WIPF3: variants seen among roughly 807,000 people sequenced by gnomAD.
WIPF3 encodes WAS/WASL-interacting protein family member 3.
WIPF3 carries 33 observed loss-of-function variants against 38.9 expected under a neutral mutation model. That is an observed-to-expected ratio of 0.85 (90% confidence interval 0.64 to 1.14). The LOEUF is 1.14. Ranked by LOEUF, WIPF3 falls within the 50% of genes most tolerant of loss-of-function variation. The pLI, the probability that WIPF3 is intolerant of heterozygous loss-of-function variation, is 0.00. For synonymous variants in WIPF3, 324 were observed against 269.3 expected, an observed-to-expected ratio of 1.20 and a Z score of -1.99; for missense variants, 711 against 652.5, an observed-to-expected ratio of 1.09 and a Z score of -0.98.
At position 29,914,582 on chromosome 7, in the gene WIPF3, C is replaced by T. The variant is rs1184237100; in HGVS notation, c.*66C>T. 8.1e-5 allele frequency: 101 copies of T among 1,246,268 alleles called. No individual in the cohort carries two copies. The highest frequency in any genetic ancestry group is 1.1e-4 in the Non-Finnish European group (99 of 931,380). 77.2% of individuals were successfully genotyped at this position (1,246,268 alleles called of 1,614,324 possible). ...GAACAACATGTCAGACCCCACCCAC[C>T]CCATGCTCAAGCTGTAATTCAGTTG... is the stretch of plus-strand genomic sequence containing the variant. On this transcript the variant is annotated 3_prime_UTR_variant, in exon 9 of 9. Transcript: ENST00000242140.
At chr7:29,864,963 T>C (rs1230878814) in intron 2 of WIPF3, among the ~76,000 whole-genome samples, 1 of 152,068 alleles carries the variant, frequency 6.6e-6, no homozygotes, top group Non-Finnish European at 1.5e-5. Flanking sequence ...AAAGGTGGAG[T>C]CTGCTGAAAA....
chr7:29,846,773 C>T (rs1411091635), intron 2 of WIPF3, among the ~76,000 whole-genome samples: 1 of 152,212 alleles, frequency 6.6e-6, no homozygotes, highest in Non-Finnish European at 1.5e-5. Flanking sequence ...CACAGTTGTC[C>T]AATCAGCACT....
chr7:29,871,681 C>A (rs530085940), intron 2 of WIPF3, among the ~76,000 whole-genome samples: 1 of 152,198 alleles, frequency 6.6e-6, no homozygotes, highest in South Asian at 2.1e-4. Flanking sequence ...TGCTGTAAGG[C>A]AGTTGACTCA....
At chr7:29,857,505 A>G (rs1042184007) in intron 2 of WIPF3, among the ~76,000 whole-genome samples, 2 of 151,698 alleles carry the variant, frequency 1.3e-5, no homozygotes, top group Non-Finnish European at 2.9e-5. Context: ...AAGATGTCTG[A>G]TTTATTTTTT....
chr7:29,839,944 TG>T (rs1784887947), intron 2 of WIPF3, among the ~76,000 whole-genome samples: 1 of 152,238 alleles, frequency 6.6e-6, no homozygotes, highest in Non-Finnish European at 1.5e-5. Flanking sequence ...ATTATTACTA[TG>T]TTCTGAGTTC....
chr7:29,878,667 C>T lies in WIPF3; in HGVS notation c.224-342C>T, dbSNP rs1247568100. Among the ~76,000 whole-genome samples the T allele has an allele frequency of 6.6e-6, 1 of 152,228 alleles. No individual in the cohort carries two copies. The highest frequency in any genetic ancestry group is 1.5e-5 in the Non-Finnish European group (1 of 68,040). On this transcript the variant is annotated intron_variant, in intron 3 of 8. Coordinates refer to ENST00000242140, the MANE Select transcript of WIPF3 (RefSeq NM_001080529.3). The surrounding 1 kb of genome is among the most constrained non-coding windows in gnomAD (Gnocchi z 4.0). ...GAAAATAAGAGCAGCTCTACACCTA[C>T]CACATTTGGGTTTTCTAATTCGAAG... is the stretch of plus-strand genomic sequence containing the variant.
At chr7:29,812,398 A>C (rs1784393972) in intron 1 of WIPF3, among the ~76,000 whole-genome samples, 1 of 152,184 alleles carries the variant, frequency 6.6e-6, no homozygotes, top group Admixed American at 6.5e-5. Flanking sequence ...GTATCCATCC[A>C]TCTTCCTGCT....
intron 8 of WIPF3, among the ~76,000 whole-genome samples, chr7:29,910,298 A>G (rs187141821): frequency 6.6e-6 from 1 of 152,318 alleles, no homozygotes; most frequent in Admixed American, 6.5e-5. Flanking sequence ...AATATCTCCC[A>G]AAAAAGAAGA....
intron 8 of WIPF3, among the ~76,000 whole-genome samples, chr7:29,908,361 T>C (rs1012832697): frequency 6.6e-6 from 1 of 152,076 alleles, no homozygotes; most frequent in Admixed American, 6.5e-5. Flanking sequence ...GAAGCAAAAC[T>C]GACAGAATTA....
rs145976937 is a variant in WIPF3 at position 29,884,476 on chromosome 7, C to G, written c.982C>G (p.Pro328Ala). The G allele has an allele frequency of 9.2e-4, 1,434 of 1,566,400 alleles. 3 individuals carry two copies. Among genetic ancestry groups the G allele is most frequent in the Non-Finnish European group, 8.2e-4 (943 of 1,156,728 alleles). ...CAGTGAAACTCCACCCCCGCTACCC[C>G]CTAAATCCCCCAGCTTCCAGGCCCC... ...SSSETPPPLP[P>A]KSPSFQAPPQ... Residue 328 changes from proline to alanine, a missense_variant, in exon 5 of 9, where the codon CCT (proline) becomes GCT (alanine). Transcript: ENST00000242140.
chr7:29,883,484 C>T (rs1420194020), intron 4 of WIPF3, among the ~76,000 whole-genome samples: 6 of 152,120 alleles, frequency 3.9e-5, no homozygotes, highest in African/African-American at 1.4e-4. Context: ...ATGGACCTAG[C>T]GGGTGTCAGT....
At chr7:29,820,962 T>G (rs912590234) in intron 1 of WIPF3, among the ~76,000 whole-genome samples, 2 of 152,222 alleles carry the variant, frequency 1.3e-5, no homozygotes, top group Non-Finnish European at 2.9e-5. Context: ...TTCCATTCCT[T>G]TCCGATAGCG....
At chr7:29,814,066 G>A (rs1277068570) in intron 1 of WIPF3, among the ~76,000 whole-genome samples, 4 of 151,950 alleles carry the variant, frequency 2.6e-5, no homozygotes, top group East Asian at 1.9e-4. Context: ...GACTACAGGC[G>A]CGTGCCATGA....
At chr7:29,882,722 A>T (rs1785748014) in intron 4 of WIPF3, among the ~76,000 whole-genome samples, 1 of 152,238 alleles carries the variant, frequency 6.6e-6, no homozygotes, top group East Asian at 1.9e-4. Flanking sequence ...CTGAAATGAA[A>T]GCTGCAGGTC....
At chr7:29,894,986 C>T (rs1302585323) in intron 7 of WIPF3, among the ~76,000 whole-genome samples, 1 of 151,286 alleles carries the variant, frequency 6.6e-6, no homozygotes, top group African/African-American at 2.4e-5. Flanking sequence ...CAGTCTCACT[C>T]GTTTGCCTAG....
intron 1 of WIPF3, among the ~76,000 whole-genome samples, chr7:29,811,488 A>G (rs191212628): frequency 1.3e-5 from 2 of 152,332 alleles, no homozygotes; most frequent in Admixed American, 6.5e-5. Flanking sequence ...GATAGTTTCC[A>G]GAGGTGGGAG....
Position 29,914,481 on chromosome 7 carries a change from A to C in WIPF3, c.1429-12A>C. ...TAACTCCACCTGGTAATGTTCTGTT[A>C]TGTTTCCACAGTTATCTCTAAAGAC... On this transcript the variant is annotated splice_polypyrimidine_tract_variant and intron_variant, in intron 8 of 8. Coordinates refer to ENST00000242140, the MANE Select transcript of WIPF3 (RefSeq NM_001080529.3). 2.0e-6 allele frequency: 3 copies of C among 1,517,250 alleles called. No individual in the cohort carries two copies. Among genetic ancestry groups the C allele is most frequent in the African/African-American group, 1.4e-5 (1 of 71,304 alleles). 94.0% of individuals were successfully genotyped at this position (1,517,250 alleles called of 1,614,324 possible).
intron 2 of WIPF3, among the ~76,000 whole-genome samples, chr7:29,861,555 C>T (rs995298415): frequency 2.0e-5 from 3 of 152,014 alleles, no homozygotes; most frequent in Non-Finnish European, 4.4e-5. Flanking sequence ...CTTCTATTTG[C>T]CATTTATTTA....
At chr7:29,832,879 A>G (rs1334093440) in intron 1 of WIPF3, among the ~76,000 whole-genome samples, 3 of 152,242 alleles carry the variant, frequency 2.0e-5, no homozygotes, top group Admixed American at 6.5e-5. Flanking sequence ...TTGTACACCA[A>G]TGTTCATAGC....
Sources: allele counts gnomAD v4.1 joint callset (sites outside exome capture counted in the v4.1 genomes callset), GRCh38; gene constraint gnomAD v4.1.1; non-coding constraint Gnocchi (gnomAD v3.1); transcripts MANE v1.5; gene names NCBI Gene and HGNC (gene_info 2026-07-23, HGNC 2026-07-21).